The following SLC27A2 variants were observed in gnomAD, a reference collection of about 807,000 sequenced individuals.
SLC27A2 encodes solute carrier family 27 member 2, also known as long-chain fatty acid transport protein 2.
Under a neutral mutation model 60.0 loss-of-function variants are expected in SLC27A2, and 54 were observed. That is an observed-to-expected ratio of 0.90 (90% CI 0.72 to 1.13). SLC27A2 has a LOEUF of 1.13. SLC27A2 is among the 50% of genes most tolerant of loss of function. The pLI is 0.00. For missense variants in SLC27A2, 739 were observed against 777.6 expected, an observed-to-expected ratio of 0.95 and a Z score of 0.59; for synonymous variants, 297 against 297.6, an observed-to-expected ratio of 1.00 and a Z score of 0.02.
Position 50,182,292 on chromosome 15 carries a change from T to A in SLC27A2, c.-136T>A, listed in dbSNP as rs922965644. 5 of 1,290,746 alleles carry A rather than the reference T, an allele frequency of 3.9e-6. No homozygotes were observed. Among genetic ancestry groups the A allele is most frequent in the Non-Finnish European group, 4.9e-6 (5 of 1,014,432 alleles). The allele number at this position is 1,290,746 out of a possible 1,614,324, so 80.0% of individuals were successfully genotyped here. A position where few individuals can be genotyped will look rare whatever the true frequency, so the allele number is the denominator to read the frequency against. ...CGGAGGAGCTCTGTCTTCCCCTTCA[T>A]CTCACGCGAGCCCGGCGTCCCGCCG... On this transcript the variant is annotated 5_prime_UTR_variant, in exon 1 of 10. Transcript: ENST00000267842.
chr15:50,223,411 C>T (rs1340366766), intron 5 of SLC27A2, among the ~76,000 whole-genome samples: 1 of 152,218 alleles, frequency 6.6e-6, no homozygotes, highest in Non-Finnish European at 1.5e-5. Flanking sequence ...TAGGTGAAGT[C>T]TTCCTGATGC....
intron 4 of SLC27A2, among the ~76,000 whole-genome samples, chr15:50,218,422 G>A (rs1160020099): frequency 6.6e-6 from 1 of 152,094 alleles, no homozygotes; most frequent in African/African-American, 2.4e-5. Context: ...AATAGTACAG[G>A]AAAACATCCG....
intron 8 of SLC27A2, among the ~76,000 whole-genome samples, chr15:50,230,362 G>A (rs1171414765): frequency 6.6e-6 from 1 of 152,006 alleles, no homozygotes; most frequent in Non-Finnish European, 1.5e-5. Flanking sequence ...GGCCAACATG[G>A]CAAAACTTAG....
chr15:50,229,035 T>C lies in SLC27A2; in HGVS notation c.1548T>C (p.His516=). The C allele has an allele frequency of 2.5e-6, 4 of 1,605,574 alleles. No homozygotes were observed. Among genetic ancestry groups the C allele is most frequent in the Middle Eastern group, 1.7e-4 (1 of 6,050 alleles). The change falls in exon 8 of 10, where the codon CAT becomes CAC. Residue 516 remains histidine (H), a synonymous_variant. Coordinates refer to ENST00000267842, the MANE Select transcript of SLC27A2 (RefSeq NM_003645.4). ...AAGAAGTAAATGTTTATGGAGTGCA[T>C]GTGCCAGGTATATACAAGATATGAT... ...FVQEVNVYGV[H]VPDHEGRIGM... is the part of the protein sequence containing the mutation.
intron 8 of SLC27A2, among the ~76,000 whole-genome samples, chr15:50,232,231 G>A (rs2045321165): frequency 6.6e-6 from 1 of 152,254 alleles, no homozygotes; most frequent in East Asian, 1.9e-4. Context: ...GCCTGGAGAG[G>A]AGTTCACTTT....
intron 6 of SLC27A2, 42 bp downstream of exon 6, chr15:50,226,120 T>A: frequency 7.9e-7 from 1 of 1,259,380 alleles, no homozygotes; most frequent in Non-Finnish European, 1.2e-6. Context: ...CCCCTTCTTA[T>A]CTTGATCAAG....
chr15:50,190,677 C>T (rs538198279), intron 1 of SLC27A2, among the ~76,000 whole-genome samples: 95 of 147,390 alleles, frequency 6.4e-4, no homozygotes, highest in Non-Finnish European at 1.0e-3. Context: ...TTAAAATTTT[C>T]TTTGAACAGA....
Position 50,205,333 on chromosome 15 carries a change from A to G in SLC27A2, c.942A>G (p.Glu314=). ...YNVTVIQYIG[E]LLRYLCNSPQ... ...TCACTGTCATTCAGTATATCGGTGA[A>G]CTGCTTCGGTATTTATGCAACTCAC... Residue 314 remains glutamate (E), a synonymous_variant, in exon 4 of 10, where the codon GAA becomes GAG. Transcript: ENST00000267842. 6.2e-7 allele frequency: 1 copy of G among 1,608,580 alleles called. No individual in the cohort carries two copies. The highest frequency in any genetic ancestry group is 8.5e-7 in the Non-Finnish European group (1 of 1,176,592).
At chr15:50,216,891 A>G (rs1018560644) in intron 4 of SLC27A2, among the ~76,000 whole-genome samples, 16 of 147,496 alleles carry the variant, frequency 1.1e-4, no homozygotes, top group African/African-American at 4.0e-4. Flanking sequence ...AAATATATAT[A>G]TTCCAAAAAA....
In SLC27A2 at chr15:50,236,101, T is replaced by C; in HGVS notation, c.*5T>C. The C allele has an allele frequency of 6.4e-7, 1 of 1,568,250 alleles. No homozygotes were observed. Among genetic ancestry groups the C allele is most frequent in the South Asian group, 1.2e-5 (1 of 85,220 alleles). On this transcript the variant is annotated 3_prime_UTR_variant, in exon 10 of 10. Coordinates refer to ENST00000267842, the MANE Select transcript of SLC27A2 (RefSeq NM_003645.4). The stretch of plus-strand genomic sequence containing the variant: ...GCTAAAACCCTGAAACTCTGAATAT[T>C]CCCAGGAGGATAACTCAACATTTCC...
chr15:50,216,835 A>G (rs868418668), intron 4 of SLC27A2, among the ~76,000 whole-genome samples: 78 of 123,978 alleles, frequency 6.3e-4, no homozygotes, highest in African/African-American at 2.2e-3. Context: ...TATATAAAAT[A>G]TAAATATATA....
At chr15:50,218,695 T>A (rs1305427456) in intron 4 of SLC27A2, among the ~76,000 whole-genome samples, 1 of 151,332 alleles carries the variant, frequency 6.6e-6, no homozygotes, top group African/African-American at 2.4e-5. Flanking sequence ...CACAAAAAAA[T>A]AGTAAAAATA....
At chr15:50,208,368 T>A (rs2140905100) in intron 4 of SLC27A2, among the ~76,000 whole-genome samples, 1 of 152,340 alleles carries the variant, frequency 6.6e-6, no homozygotes, top group South Asian at 2.1e-4. Flanking sequence ...ACTCTGGAGT[T>A]AGTCGGCCTG....
chr15:50,223,515 C>T (rs534011393), intron 5 of SLC27A2, among the ~76,000 whole-genome samples: 2 of 151,356 alleles, frequency 1.3e-5, no homozygotes, highest in East Asian at 3.9e-4. Flanking sequence ...TTAATTGTGT[C>T]GTGCAGCACC....
In SLC27A2 at chr15:50,182,829, C is replaced by G; in HGVS notation, c.402C>G (p.Leu134=). The G allele has an allele frequency of 1.2e-6, 2 of 1,613,498 alleles. No individual in the cohort carries two copies. Among genetic ancestry groups the G allele is most frequent in the Non-Finnish European group, 1.7e-6 (2 of 1,179,972 alleles). ...LVKLGCAMAC[L]NYNIRAKSLL... ...AGCTGGGCTGTGCCATGGCGTGCCT[C>G]AATTACAACATCCGCGCGAAGTCCC... Residue 134 remains leucine (L), a synonymous_variant, in exon 1 of 10, where the codon CTC becomes CTG. Coordinates refer to ENST00000267842, the MANE Select transcript of SLC27A2 (RefSeq NM_003645.4).
chr15:50,235,646 T>G (rs1476102066), intron 9 of SLC27A2, among the ~76,000 whole-genome samples: 4 of 152,264 alleles, frequency 2.6e-5, no homozygotes. Context: ...GATATCTATA[T>G]GAAGTAATCC....
At chr15:50,209,095 A>C (rs887015121) in intron 4 of SLC27A2, among the ~76,000 whole-genome samples, 1 of 152,186 alleles carries the variant, frequency 6.6e-6, no homozygotes, top group Non-Finnish European at 1.5e-5. Flanking sequence ...GAACCAAAAA[A>C]GAGTTCCAGG....
At chr15:50,235,677 A>G (rs1390379323) in intron 9 of SLC27A2, among the ~76,000 whole-genome samples, 1 of 152,254 alleles carries the variant, frequency 6.6e-6, no homozygotes, top group East Asian at 1.9e-4. Flanking sequence ...TAGCCAAACT[A>G]TTCCACGATG....
Position 50,236,296 on chromosome 15 carries a change from C to G in SLC27A2, c.*200C>G, listed in dbSNP as rs139180707. On this transcript the variant is annotated 3_prime_UTR_variant, in exon 10 of 10. Transcript: ENST00000267842. ...AGAGATTATTATTTTTCAGTGTGCA[C>G]CTACTGTTTGTATTTGCAAACTGAG... The G allele has an allele frequency of 2.3e-6, 1 of 432,898 alleles. No homozygotes were observed. The highest frequency in any genetic ancestry group is 3.5e-5 in the East Asian group (1 of 28,234). The allele number at this position is 432,898 out of a possible 1,614,324, so 26.8% of individuals were successfully genotyped here. A position where few individuals can be genotyped will look rare whatever the true frequency, so the allele number is the denominator to read the frequency against.
Sources: allele counts gnomAD v4.1 joint callset (sites outside exome capture counted in the v4.1 genomes callset), GRCh38; gene constraint gnomAD v4.1.1; transcripts MANE v1.5; gene names NCBI Gene and HGNC (gene_info 2026-07-23, HGNC 2026-07-21).